APBA2: variants seen among roughly 807,000 people sequenced by gnomAD.
APBA2 encodes the protein amyloid beta precursor protein binding family A member 2.
In APBA2, 30 loss-of-function variants were observed where a neutral mutation model predicts 75.0. The ratio of observed to expected loss-of-function variants is 0.40; its 90% CI spans 0.30 to 0.54. The LOEUF (loss-of-function observed/expected upper bound fraction) is 0.54, where lower values mean the gene tolerates loss of function less well. APBA2 is among the 20% of genes least tolerant of loss of function. APBA2 has a pLI of 0.49. For synonymous variants in APBA2, 444 were observed against 409.6 expected (o/e 1.08, Z -1.01); for missense variants, 801 against 1,016.1 (o/e 0.79, Z 2.88).
intron 4 of APBA2, among the ~76,000 whole-genome samples, chr15:29,057,812 C>T (rs1168994977): frequency 6.6e-6 from 1 of 152,166 alleles, no homozygotes; most frequent in African/African-American, 2.4e-5. Flanking sequence ...TTGTACAAAC[C>T]ATGTTTTCCT....
chr15:29,051,430 A>G (rs2041589907), intron 3 of APBA2, among the ~76,000 whole-genome samples: 1 of 152,086 alleles, frequency 6.6e-6, no homozygotes, highest in Admixed American at 6.5e-5. Flanking sequence ...CATACCAGTG[A>G]TGCTCCTGAA....
chr15:29,013,094 C>A (rs2039480634), intron 3 of APBA2, among the ~76,000 whole-genome samples: 1 of 151,960 alleles, frequency 6.6e-6, no homozygotes, highest in African/African-American at 2.4e-5. Flanking sequence ...ATTAGTCTGA[C>A]ACAAGCTAGT....
At chr15:28,951,208 A>G (rs912398513) in intron 2 of APBA2, among the ~76,000 whole-genome samples, 2 of 152,214 alleles carry the variant, frequency 1.3e-5, no homozygotes, top group Non-Finnish European at 2.9e-5. Context: ...AGGATTTAAA[A>G]TATATTGAAG....
intron 3 of APBA2, among the ~76,000 whole-genome samples, chr15:29,018,255 G>A (rs1352833969): frequency 6.6e-6 from 1 of 152,142 alleles, no homozygotes; most frequent in Admixed American, 6.5e-5. Flanking sequence ...GCTGAGCGTT[G>A]TATAGTCTTG....
chr15:29,107,973 A>T (rs1381848557), intron 12 of APBA2, among the ~76,000 whole-genome samples: 1 of 152,066 alleles, frequency 6.6e-6, no homozygotes, highest in Non-Finnish European at 1.5e-5. Context: ...GCCCAGTGGC[A>T]CTCAGAACCT....
chr15:28,918,284 G>C lies in APBA2; in HGVS notation c.-204-3356G>C, dbSNP rs2033781918. On this transcript the variant is annotated intron_variant, in intron 1 of 14. Transcript: ENST00000683413. The surrounding 1 kb of genome is among the most constrained non-coding windows in gnomAD (Gnocchi z 4.2). ...GGTCTCAACCCAGGCCACTGCCCTC[G>C]GCAGCCAAGCCCCTTCTTTATTTTG... Among the ~76,000 whole-genome samples, 1 of 152,148 alleles carries C rather than the reference G, an allele frequency of 6.6e-6. No individual in the cohort carries two copies. The highest frequency in any genetic ancestry group is 2.1e-4 in the South Asian group (1 of 4,828).
intron 1 of APBA2, among the ~76,000 whole-genome samples, chr15:28,891,980 G>A (rs2032159805): frequency 6.6e-6 from 1 of 152,094 alleles, no homozygotes; most frequent in South Asian, 2.1e-4. Context: ...TAAAGTCTAC[G>A]CTAGTGTACA....
chr15:29,072,728 G>C (rs2042679469), intron 4 of APBA2, among the ~76,000 whole-genome samples: 1 of 152,130 alleles, frequency 6.6e-6, no homozygotes, highest in African/African-American at 2.4e-5. Flanking sequence ...AGACAAACCA[G>C]AGCCGGGCCT....
chr15:28,971,764 A>G (rs1175670710), intron 2 of APBA2, among the ~76,000 whole-genome samples: 1 of 152,208 alleles, frequency 6.6e-6, no homozygotes, highest in Non-Finnish European at 1.5e-5. Flanking sequence ...AGAAGAGTGC[A>G]TGGCTGAACC....
chr15:28,982,705 T>C (rs1187556644), intron 2 of APBA2, among the ~76,000 whole-genome samples: 1 of 152,214 alleles, frequency 6.6e-6, no homozygotes, highest in Non-Finnish European at 1.5e-5. Context: ...CAGCAATTTG[T>C]CATGACAAAG....
At chr15:29,076,486 C>T (rs1311089508) in intron 6 of APBA2, among the ~76,000 whole-genome samples, 5 of 149,754 alleles carry the variant, frequency 3.3e-5, no homozygotes, top group Admixed American at 1.3e-4. Context: ...TTTTCTTTAC[C>T]GTTCCACCCT....
chr15:29,112,617 C>T (rs550556575), intron 13 of APBA2, among the ~76,000 whole-genome samples: 1 of 152,220 alleles, frequency 6.6e-6, no homozygotes, highest in East Asian at 1.9e-4. Context: ...CCTCTCTCCA[C>T]CCCCTTCTCT....
chr15:29,099,036 C>G (rs915603928), intron 9 of APBA2, among the ~76,000 whole-genome samples: 7 of 152,282 alleles, frequency 4.6e-5, no homozygotes, highest in Middle Eastern at 3.4e-3. Flanking sequence ...TCCCACTGAT[C>G]TTTGTGTCCT....
intron 3 of APBA2, among the ~76,000 whole-genome samples, chr15:29,023,441 C>CTTTTTTTTTTTTTTTTTTTTT (rs10604525): frequency 2.7e-5 from 2 of 73,302 alleles, no homozygotes; most frequent in African/African-American, 6.3e-5. Flanking sequence ...TACCTTTTTC[C>CTTTTTTTTTTTTTTTTTTTTT]TTTTTTTTTT....
chr15:28,950,104 T>G (rs1486919801), intron 2 of APBA2, among the ~76,000 whole-genome samples: 2 of 152,230 alleles, frequency 1.3e-5, no homozygotes, highest in African/African-American at 2.4e-5. Context: ...TTTAATGACC[T>G]TGATAGTTTT....
intron 3 of APBA2, among the ~76,000 whole-genome samples, chr15:29,043,395 C>T (rs1432351673): frequency 6.6e-6 from 1 of 152,204 alleles, no homozygotes; most frequent in Non-Finnish European, 1.5e-5. Context: ...ACACCCTTCC[C>T]ACCGCAGAAA....
chr15:29,062,597 A>G (rs1232875645), intron 4 of APBA2, among the ~76,000 whole-genome samples: 3 of 152,168 alleles, frequency 2.0e-5, no homozygotes, highest in South Asian at 2.1e-4. Flanking sequence ...CAGTTTATCT[A>G]TCAGGATCTG....
chr15:28,892,273 C>T (rs2032182440), intron 1 of APBA2, among the ~76,000 whole-genome samples: 2 of 152,076 alleles, frequency 1.3e-5, no homozygotes, highest in South Asian at 4.1e-4. Context: ...GACGGGGTTT[C>T]ACTGTGTTAG....
At chr15:29,019,857 T>G (rs891975680) in intron 3 of APBA2, among the ~76,000 whole-genome samples, 4 of 152,250 alleles carry the variant, frequency 2.6e-5, no homozygotes, top group Non-Finnish European at 4.4e-5. Context: ...GCAGAAGTGC[T>G]GGCTGTCATC....
Sources: gnomAD v4.1 joint callset for allele counts (sites outside exome capture counted in the v4.1 genomes callset) on GRCh38, gnomAD v4.1.1 for gene constraint, Gnocchi (gnomAD v3.1) non-coding constraint, MANE v1.5 for transcripts, NCBI Gene and HGNC (gene_info 2026-07-23, HGNC 2026-07-21) for gene names.